Variants in SORCS2 observed in about 807,000 individuals in gnomAD.
The protein encoded by SORCS2 is VPS10 domain-containing receptor SorCS2.
SORCS2 carries 100 observed loss-of-function variants against 141.6 expected under a neutral mutation model. That is an observed-to-expected ratio of 0.71 (90% CI 0.60 to 0.83). SORCS2 has a LOEUF of 0.83. SORCS2 is among the 40% of genes least tolerant of loss of function. The pLI, the probability that SORCS2 is intolerant of heterozygous loss-of-function variation, is 0.00. For missense variants in SORCS2, 1,646 were observed against 1,560.2 expected (o/e 1.05, Z -0.93); for synonymous variants, 789 against 676.9 (o/e 1.17, Z -2.57).
At chr4:7,469,850 G>A (rs992517506) in intron 2 of SORCS2, among the ~76,000 whole-genome samples, 17 of 152,186 alleles carry the variant, frequency 1.1e-4, no homozygotes, top group Non-Finnish European at 1.5e-5. Flanking sequence ...TCATGGGGAG[G>A]CGAACAGGCT....
At chr4:7,526,761 T>G (rs1414505957) in intron 2 of SORCS2, among the ~76,000 whole-genome samples, 1 of 152,110 alleles carries the variant, frequency 6.6e-6, no homozygotes, top group African/African-American at 2.4e-5. Flanking sequence ...CGAAGGTGTA[T>G]GGGGATGCTC....
intron 3 of SORCS2, among the ~76,000 whole-genome samples, chr4:7,597,318 G>A (rs1220037747): frequency 6.6e-6 from 1 of 151,340 alleles, no homozygotes; most frequent in Non-Finnish European, 1.5e-5. Context: ...CTTGCAATGG[G>A]GAAGGGACTG....
chr4:7,363,546 C>T (rs1474545691), intron 1 of SORCS2, among the ~76,000 whole-genome samples: 2 of 2,296 alleles, frequency 8.7e-4, no homozygotes, highest in African/African-American at 7.5e-3. Flanking sequence ...TTACCATCAC[C>T]GTCACCATAA....
chr4:7,602,526 G>A (rs932922983), intron 3 of SORCS2, among the ~76,000 whole-genome samples: 2 of 151,650 alleles, frequency 1.3e-5, no homozygotes, highest in African/African-American at 4.8e-5. Flanking sequence ...TGGGCGGCCG[G>A]GCAGAGACGC....
intron 1 of SORCS2, among the ~76,000 whole-genome samples, chr4:7,299,325 G>A (rs1177366118): frequency 2.6e-5 from 4 of 152,224 alleles, no homozygotes; most frequent in Admixed American, 1.3e-4. Context: ...GGCCCACTGA[G>A]CAGCAGTCCA....
At chr4:7,634,794 T>C (rs1052368723) in intron 3 of SORCS2, among the ~76,000 whole-genome samples, 1 of 152,182 alleles carries the variant, frequency 6.6e-6, no homozygotes, top group East Asian at 1.9e-4. Context: ...GTGCCATCAG[T>C]GACAAGTCTG....
intron 1 of SORCS2, among the ~76,000 whole-genome samples, chr4:7,211,886 A>C (rs1728081137): frequency 6.6e-6 from 1 of 152,162 alleles, no homozygotes; most frequent in Non-Finnish European, 1.5e-5. Context: ...CTCTCTCCCC[A>C]CCTGGAGGAA....
At chr4:7,487,084 C>T (rs943376081) in intron 2 of SORCS2, among the ~76,000 whole-genome samples, 1 of 152,188 alleles carries the variant, frequency 6.6e-6, no homozygotes, top group Admixed American at 6.5e-5. Context: ...TCTCCGAGGG[C>T]CAGCCCTGCA....
At chr4:7,721,860 TAGG>T (rs1726609549) in intron 18 of SORCS2, among the ~76,000 whole-genome samples, 1 of 152,188 alleles carries the variant, frequency 6.6e-6, no homozygotes, top group Admixed American at 6.5e-5. Flanking sequence ...TACAACTACA[TAGG>T]AGCCTACCAT....
At chr4:7,391,136 CTTTGT>C (rs1387080982) in intron 1 of SORCS2, among the ~76,000 whole-genome samples, 2 of 152,222 alleles carry the variant, frequency 1.3e-5, no homozygotes, top group African/African-American at 4.8e-5. Flanking sequence ...ATCACACCCT[CTTTGT>C]TTTATTTTAA....
intron 2 of SORCS2, among the ~76,000 whole-genome samples, chr4:7,469,442 G>A (rs1350022369): frequency 6.6e-6 from 1 of 152,224 alleles, no homozygotes; most frequent in East Asian, 1.9e-4. Flanking sequence ...GTTGGAATGT[G>A]CGGTTCATGT....
At chr4:7,631,036 G>GTTTTCC (rs1304398918) in intron 3 of SORCS2, among the ~76,000 whole-genome samples, 1 of 138,706 alleles carries the variant, frequency 7.2e-6, no homozygotes, top group Non-Finnish European at 1.5e-5. Context: ...GATGCTGTTT[G>GTTTTCC]TTTTCCTTTT....
At chr4:7,260,470 A>G (rs2108821556) in intron 1 of SORCS2, among the ~76,000 whole-genome samples, 1 of 152,364 alleles carries the variant, frequency 6.6e-6, no homozygotes, top group South Asian at 2.1e-4. Flanking sequence ...GAGTCACTCA[A>G]CAAACATGTC....
At chr4:7,576,360 C>T (rs957350671) in intron 3 of SORCS2, among the ~76,000 whole-genome samples, 2 of 152,124 alleles carry the variant, frequency 1.3e-5, no homozygotes, top group African/African-American at 2.4e-5. Context: ...TTTAGAAGAC[C>T]ATTTTCAAAA....
chr4:7,525,325 CTTT>C (rs1448015296), intron 2 of SORCS2, among the ~76,000 whole-genome samples: 1 of 152,040 alleles, frequency 6.6e-6, no homozygotes, highest in Non-Finnish European at 1.5e-5. Context: ...TGGTCACAGC[CTTT>C]TTTGTTGATA....
intron 12 of SORCS2, among the ~76,000 whole-genome samples, chr4:7,700,093 C>T (rs930432815): frequency 5.9e-5 from 9 of 152,198 alleles, no homozygotes; most frequent in African/African-American, 2.2e-4. Context: ...TCCCTGGACA[C>T]AGCTGCCCTC....
intron 1 of SORCS2, among the ~76,000 whole-genome samples, chr4:7,252,201 C>A (rs1431148508): frequency 2.0e-5 from 3 of 152,144 alleles, no homozygotes; most frequent in Non-Finnish European, 4.4e-5. Context: ...TGGGGAGTCG[C>A]CAAGGAGGCC....
At chr4:7,261,917 A>G (rs1225151734) in intron 1 of SORCS2, among the ~76,000 whole-genome samples, 1 of 152,244 alleles carries the variant, frequency 6.6e-6, no homozygotes, top group African/African-American at 2.4e-5. Context: ...TCGACTGGGA[A>G]ATTTGCATTA....
At chr4:7,258,704 TC>T (rs1316345235) in intron 1 of SORCS2, among the ~76,000 whole-genome samples, 3 of 152,220 alleles carry the variant, frequency 2.0e-5, no homozygotes, top group Non-Finnish European at 1.5e-5. Flanking sequence ...TAGTTCTAGA[TC>T]CTTGAGAAAT....
Sources: gnomAD v4.1 joint callset for allele counts (sites outside exome capture counted in the v4.1 genomes callset) on GRCh38, gnomAD v4.1.1 for gene constraint, MANE v1.5 for transcripts, NCBI Gene and HGNC (gene_info 2026-07-23, HGNC 2026-07-21) for gene names.